COL4A2: variants seen among roughly 807,000 people sequenced by gnomAD.
COL4A2 encodes the protein collagen type IV alpha 2 chain.
A neutral mutation model predicts 200.2 loss-of-function variants in COL4A2; 99 were observed. The observed-to-expected ratio is 0.49, with a 90% CI of 0.42 to 0.58. The LOEUF is 0.58. COL4A2 is among the 20% of genes least tolerant of loss of function. COL4A2 has a pLI of 0.00. For missense variants in COL4A2, 1,950 were observed against 2,314.1 expected, an observed-to-expected ratio of 0.84 and a Z score of 3.23; for synonymous variants, 897 against 900.6, an observed-to-expected ratio of 1.00 and a Z score of 0.07.
chr13:110,473,213 C>A, intron 29 of COL4A2, 63 bp downstream of exon 29: 1 of 1,460,350 alleles, frequency 6.8e-7, no homozygotes. Context: ...CCAAGGGCGA[C>A]CCCAATCCCT....
intron 3 of COL4A2, among the ~76,000 whole-genome samples, chr13:110,336,185 G>A (rs952892801): frequency 1.3e-5 from 2 of 152,222 alleles, no homozygotes; most frequent in African/African-American, 4.8e-5. Flanking sequence ...AGAATTGAGA[G>A]TAGGCCATTT....
intron 4 of COL4A2, among the ~76,000 whole-genome samples, chr13:110,403,903 G>C (rs1879467373): frequency 6.6e-6 from 1 of 152,238 alleles, no homozygotes; most frequent in African/African-American, 2.4e-5. Context: ...AAGTTGAAGA[G>C]CAAGTGACCA....
intron 10 of COL4A2, chr13:110,430,858 G>A (rs577718724): frequency 4.0e-5 from 28 of 707,196 alleles, no homozygotes; most frequent in Non-Finnish European, 5.4e-5. Context: ...ACTTGGTTCC[G>A]GCAGGGTGCC....
chr13:110,507,301 A>C (rs1398202143), intron 46 of COL4A2: 1 of 152,902 alleles, frequency 6.5e-6, no homozygotes, highest in Non-Finnish European at 1.5e-5. Flanking sequence ...TGAGTTTCTA[A>C]AGAACAACGG....
intron 4 of COL4A2, among the ~76,000 whole-genome samples, chr13:110,397,592 A>G (rs1053052004): frequency 2.0e-5 from 3 of 152,246 alleles, no homozygotes; most frequent in African/African-American, 7.2e-5. Context: ...ACTGGAGGCC[A>G]GAAGTACTGG....
chr13:110,330,935 C>G (rs1875881618), intron 3 of COL4A2, among the ~76,000 whole-genome samples: 1 of 152,158 alleles, frequency 6.6e-6, no homozygotes, highest in Non-Finnish European at 1.5e-5. Flanking sequence ...CCACCACATT[C>G]CTCTATGGTG....
chr13:110,438,529 A>T, intron 14 of COL4A2, 89 bp from the exon 15 acceptor site: 1 of 1,518,852 alleles, frequency 6.6e-7, no homozygotes, highest in Non-Finnish European at 9.1e-7. Context: ...GAGAACACAG[A>T]GTCCTGGAGC....
At chr13:110,478,269 C>G (rs1182078053) in intron 30 of COL4A2, 105 bp downstream of exon 30, 4 of 1,187,126 alleles carry the variant, frequency 3.4e-6, no homozygotes, top group Non-Finnish European at 4.5e-6. Flanking sequence ...CCATGGAACC[C>G]CTTAAGAGGT....
intron 4 of COL4A2, among the ~76,000 whole-genome samples, chr13:110,391,434 C>T (rs1878977321): frequency 6.6e-6 from 1 of 152,204 alleles, no homozygotes; most frequent in African/African-American, 2.4e-5. Flanking sequence ...TGCTTCCCTG[C>T]TGTTGCCAGT....
chr13:110,469,411 C>T, intron 28 of COL4A2, 87 bp downstream of exon 28: 1 of 1,317,548 alleles, frequency 7.6e-7, no homozygotes. Flanking sequence ...TATTATCTTC[C>T]ACTTTGTAGA....
intron 3 of COL4A2, among the ~76,000 whole-genome samples, chr13:110,324,508 C>G (rs974701627): frequency 2.6e-5 from 4 of 152,208 alleles, no homozygotes; most frequent in Admixed American, 6.5e-5. Flanking sequence ...AGAAAGCATA[C>G]TGGACATGAA....
chr13:110,422,276 C>CAG (rs890403750), intron 4 of COL4A2, among the ~76,000 whole-genome samples: 17 of 152,270 alleles, frequency 1.1e-4, no homozygotes, highest in Admixed American at 3.9e-4. Flanking sequence ...GAAGGATCCA[C>CAG]AAAAGTCGGA....
rs1270334865 is a variant in COL4A2 at position 110,449,809 on chromosome 13, T to A, written c.1189+20T>A. 1 of 1,544,518 alleles carries A rather than the reference T, an allele frequency of 6.5e-7. No individual in the cohort carries two copies. The highest frequency in any genetic ancestry group is 2.0e-5 in the Admixed American group (1 of 50,148). ...ATGGAGGTAATGTGGCTTCATAATATCAACACCGGAGACCCAAAGCACCTG... is the reference window on the plus strand; with the variant it reads ...ATGGAGGTAATGTGGCTTCATAATAACAACACCGGAGACCCAAAGCACCTG... On this transcript the variant is annotated intron_variant, in intron 19 of 47. Transcript: ENST00000360467.
At chr13:110,445,208 T>G (rs1178187593) in intron 16 of COL4A2, among the ~76,000 whole-genome samples, 1 of 152,172 alleles carries the variant, frequency 6.6e-6, no homozygotes. Flanking sequence ...ATGCGTCTAT[T>G]TTGGTACTAA....
At position 110,512,216 on chromosome 13, in the gene COL4A2, T is replaced by C. The variant is rs113331483; in HGVS notation, c.*25T>C. 1.8e-3 allele frequency: 2,933 copies of C among 1,599,146 alleles called. 48 individuals carry two copies. In the African/African-American group the frequency reaches 0.036, roughly 20 times the overall value. On this transcript the variant is annotated 3_prime_UTR_variant, in exon 48 of 48. Transcript: ENST00000360467. ...AGCCGGCGCGTGCCAGGAAGGGCCATTTTGGTGCTTATTCTTAACTTATTA... is the reference window on the plus strand; with the variant it reads ...AGCCGGCGCGTGCCAGGAAGGGCCACTTTGGTGCTTATTCTTAACTTATTA...
At chr13:110,488,578 A>C (rs1042891768) in intron 34 of COL4A2, among the ~76,000 whole-genome samples, 1 of 152,164 alleles carries the variant, frequency 6.6e-6, no homozygotes, top group African/African-American at 2.4e-5. Flanking sequence ...GCACAGCCCC[A>C]TATCTGTGTT....
intron 43 of COL4A2, 148 bp downstream of exon 43, chr13:110,503,629 G>T: frequency 1.4e-6 from 1 of 719,540 alleles, no homozygotes; most frequent in Non-Finnish European, 2.3e-6. Flanking sequence ...CTGTGCCTCG[G>T]ATGTTGTCAC....
At chr13:110,360,871 C>T (rs1877485282) in intron 4 of COL4A2, among the ~76,000 whole-genome samples, 2 of 151,798 alleles carry the variant, frequency 1.3e-5, no homozygotes, top group Admixed American at 1.3e-4. Context: ...TGTACCTGTA[C>T]CTCTGGGTGC....
chr13:110,402,902 G>C (rs756443189), intron 4 of COL4A2, among the ~76,000 whole-genome samples: 1 of 152,180 alleles, frequency 6.6e-6, no homozygotes, highest in Non-Finnish European at 1.5e-5. Flanking sequence ...TGGAGGTCAC[G>C]AAGGCTTCCT....
Sources: allele counts gnomAD v4.1 joint callset (sites outside exome capture counted in the v4.1 genomes callset), GRCh38; gene constraint gnomAD v4.1.1; transcripts MANE v1.5; gene names NCBI Gene and HGNC (gene_info 2026-07-23, HGNC 2026-07-21).